The following RCOR3 variants were observed in gnomAD, a reference collection of about 807,000 sequenced individuals.
RCOR3 encodes the protein REST corepressor 3.
Under a neutral mutation model 64.1 loss-of-function variants are expected in RCOR3, and 13 were observed. That is an observed-to-expected ratio of 0.20 (90% CI 0.13 to 0.32). The LOEUF (loss-of-function observed/expected upper bound fraction) is 0.32. RCOR3 is among the 10% of genes least tolerant of loss of function. RCOR3 has a pLI of 1.00. For synonymous variants in RCOR3, 215 were observed against 239.0 expected, an observed-to-expected ratio of 0.90 and a Z score of 0.93; for missense variants, 489 against 701.2, an observed-to-expected ratio of 0.70 and a Z score of 3.42.
intron 1 of RCOR3, 184 bp from the exon 2 acceptor site, chr1:211,259,924 G>GCCCCCCCCCCC: frequency 2.2e-6 from 1 of 459,850 alleles, no homozygotes; most frequent in South Asian, 3.8e-5. Context: ...CTCCGCCTTT[G>GCCCCCCCCCCC]CCCCCCCCCG....
rs1375743072 is a variant in RCOR3, at chr1:211,292,123, C to T, written c.939+2727C>T. Among the ~76,000 whole-genome samples, 4 of 152,262 alleles carry T rather than the reference C, an allele frequency of 2.6e-5. No individual in the cohort carries two copies. The East Asian group carries it at 5.8e-4, about 22-fold the overall frequency. On this transcript the variant is annotated intron_variant, in intron 8 of 11. Transcript: ENST00000419091. ...AGTGGCCAACATCTAATGCTGCCTT[C>T]CTGGTTTTTAGCTCCTTTGACTACT...
intron 1 of RCOR3, 177 bp from the exon 2 acceptor site, chr1:211,259,931 C>T: frequency 3.5e-6 from 4 of 1,132,218 alleles, no homozygotes; most frequent in Admixed American, 3.3e-5. Flanking sequence ...TTTGCCCCCC[C>T]CCGCTCCCCG....
intron 7 of RCOR3, among the ~76,000 whole-genome samples, chr1:211,284,547 G>C (rs1698273861): frequency 6.9e-6 from 1 of 144,256 alleles, no homozygotes; most frequent in Admixed American, 7.2e-5. Flanking sequence ...TAACAGTTGG[G>C]GGTCTTGTTT....
At chr1:211,274,973 ATAAGT>A (rs1696752241) in intron 4 of RCOR3, among the ~76,000 whole-genome samples, 1 of 151,500 alleles carries the variant, frequency 6.6e-6, no homozygotes, top group Non-Finnish European at 1.5e-5. Context: ...AGTTATGGAG[ATAAGT>A]TATATTAAAT....
chr1:211,279,357 A>G (rs758210626), intron 7 of RCOR3, 41 bp downstream of exon 7: 9 of 1,428,622 alleles, frequency 6.3e-6, no homozygotes, highest in Non-Finnish European at 7.8e-6. Flanking sequence ...TGTTCTACAA[A>G]TCTGCTGAAA....
chr1:211,295,760 T>C lies in RCOR3; in HGVS notation c.1017+7T>C. Reference sequence around the variant, plus strand: ...AGAATTCAAACCTCCTGAGGTATGTTATTGAAGGATACATGTGATTAAGTA... The same window carrying C: ...AGAATTCAAACCTCCTGAGGTATGTCATTGAAGGATACATGTGATTAAGTA... On this transcript the variant is annotated splice_region_variant and intron_variant, in intron 9 of 11. Coordinates refer to ENST00000419091, the MANE Select transcript of RCOR3 (RefSeq NM_001136223.3). 6.2e-7 allele frequency: 1 copy of C among 1,609,194 alleles called. No individual in the cohort carries two copies. The highest frequency in any genetic ancestry group is 8.5e-7 in the Non-Finnish European group (1 of 1,175,760).
chr1:211,271,765 C>A, intron 3 of RCOR3: 1 of 270,690 alleles, frequency 3.7e-6, no homozygotes, highest in Non-Finnish European at 7.5e-6. Context: ...TGGACGGAGA[C>A]CTTCTGGATC....
chr1:211,260,743 G>A (rs1278748586), intron 2 of RCOR3, among the ~76,000 whole-genome samples: 3 of 152,184 alleles, frequency 2.0e-5, no homozygotes, highest in African/African-American at 7.2e-5. Flanking sequence ...GGAGAGAAAG[G>A]GGTGGGGGAA....
At chr1:211,296,532 A>T (rs1699878565) in intron 9 of RCOR3, among the ~76,000 whole-genome samples, 1 of 152,162 alleles carries the variant, frequency 6.6e-6, no homozygotes, top group African/African-American at 2.4e-5. Context: ...TGACTGAAAC[A>T]TCTACAGATG....
In RCOR3 at chr1:211,314,955, G is replaced by T. The variant is rs912564296; in HGVS notation, c.*1187G>T. ...TTATCTAAAGATGTATCAGTATATT[G>T]TCACAGTTGTGCTGTTAACTAAAAA... is the stretch of plus-strand genomic sequence containing the variant. On this transcript the variant is annotated 3_prime_UTR_variant, in exon 12 of 12. Transcript: ENST00000419091. 2 of 152,242 alleles carry T rather than the reference G, an allele frequency of 1.3e-5. No homozygotes were observed. Among genetic ancestry groups the T allele is most frequent in the Admixed American group, 1.3e-4 (2 of 15,288 alleles). 9.4% of individuals were successfully genotyped at this position (152,242 alleles called of 1,614,324 possible).
intron 7 of RCOR3, among the ~76,000 whole-genome samples, chr1:211,283,638 G>A (rs543398881): frequency 1.3e-5 from 2 of 152,086 alleles, no homozygotes; most frequent in East Asian, 1.9e-4. Flanking sequence ...TGTTTCGTTC[G>A]TGGAGGTTTT....
chr1:211,305,538 TTAG>T (rs1700769034), intron 10 of RCOR3, among the ~76,000 whole-genome samples: 1 of 152,208 alleles, frequency 6.6e-6, no homozygotes, highest in Non-Finnish European at 1.5e-5. Flanking sequence ...TCCCTCTATC[TTAG>T]TAGCCTGGTA....
chr1:211,301,010 G>A (rs990626827), intron 9 of RCOR3, among the ~76,000 whole-genome samples: 6 of 152,050 alleles, frequency 3.9e-5, no homozygotes, highest in Admixed American at 2.0e-4. Context: ...CAATGCTGGA[G>A]GAATACCTGG....
intron 7 of RCOR3, among the ~76,000 whole-genome samples, chr1:211,281,274 A>G (rs768306728): frequency 6.6e-6 from 1 of 151,970 alleles, no homozygotes; most frequent in Non-Finnish European, 1.5e-5. Flanking sequence ...TTGTGTCTCA[A>G]TTTTAGTGGC....
In RCOR3 at chr1:211,289,270, T is replaced by G; in HGVS notation, c.813T>G (p.Ser271=). ...AACATCGCCATCATTCTCAGCGTTC[T>G]AAGTGCCGTCCACCTAAGGGCATGT... The part of the protein sequence containing the change: ...SLQHRHHSQR[S]KCRPPKGMYL... Residue 271 remains serine, a synonymous_variant, in exon 8 of 12, where the codon TCT becomes TCG. Transcript: ENST00000419091. 1 of 1,614,120 alleles carries G rather than the reference T, an allele frequency of 6.2e-7. No homozygotes were observed. Among genetic ancestry groups the G allele is most frequent in the Non-Finnish European group, 8.5e-7 (1 of 1,180,014 alleles).
chr1:211,288,753 C>T (rs1365736514), intron 7 of RCOR3, among the ~76,000 whole-genome samples: 1 of 151,880 alleles, frequency 6.6e-6, no homozygotes, highest in Non-Finnish European at 1.5e-5. Flanking sequence ...GTCTAATCTG[C>T]TATTGTCATA....
chr1:211,264,901 T>C (rs1440797817), intron 2 of RCOR3, among the ~76,000 whole-genome samples: 1 of 152,210 alleles, frequency 6.6e-6, no homozygotes, highest in African/African-American at 2.4e-5. Flanking sequence ...TGTACTTACA[T>C]CATGAGGAAC....
At chr1:211,283,719 C>CT (rs1287796170) in intron 7 of RCOR3, among the ~76,000 whole-genome samples, 3 of 152,082 alleles carry the variant, frequency 2.0e-5, no homozygotes, top group Non-Finnish European at 4.4e-5. Flanking sequence ...ATCATAGCCA[C>CT]TGCAGCCTCA....
Position 211,312,473 on chromosome 1 carries a change from A to G in RCOR3, c.1076-247A>G. ...AAGAGAGGATTGGAGAAAATAACTG[A>G]GTATGTAAAAAATGGTAAGTTTCTG... On this transcript the variant is annotated intron_variant, in intron 10 of 11. Coordinates refer to ENST00000419091, the MANE Select transcript of RCOR3 (RefSeq NM_001136223.3). The surrounding 1 kb of genome is among the most constrained non-coding windows in gnomAD (Gnocchi z 5.0). 1 of 613,554 alleles carries G rather than the reference A, an allele frequency of 1.6e-6. No individual in the cohort carries two copies. The highest frequency in any genetic ancestry group is 1.6e-5 in the South Asian group (1 of 64,284). 38.0% of individuals were successfully genotyped at this position (613,554 alleles called of 1,614,324 possible). A position where few individuals can be genotyped will look rare whatever the true frequency, so the allele number is the denominator to read the frequency against.
Sources: gnomAD v4.1 joint callset for allele counts (sites outside exome capture counted in the v4.1 genomes callset) on GRCh38, gnomAD v4.1.1 for gene constraint, Gnocchi (gnomAD v3.1) non-coding constraint, MANE v1.5 for transcripts, NCBI Gene and HGNC (gene_info 2026-07-23, HGNC 2026-07-21) for gene names.